The following FAM120B variants were observed in gnomAD, a reference collection of about 807,000 sequenced individuals.
The protein encoded by FAM120B is family with sequence similarity 120 member B.
Under a neutral mutation model 96.3 loss-of-function variants are expected in FAM120B, and 83 were observed. That is an observed-to-expected ratio of 0.86 (90% CI 0.72 to 1.03). The LOEUF (loss-of-function observed/expected upper bound fraction) is 1.03. Among genes scored for constraint, FAM120B ranks in the 50% least tolerant of loss-of-function variants. The probability of loss-of-function intolerance (pLI) is 0.00; values close to 1 mark genes in which losing one functional copy is unlikely to be tolerated. For missense variants in FAM120B, 1,027 were observed against 1,121.2 expected (o/e 0.92, Z 1.20); for synonymous variants, 407 against 402.7 (o/e 1.01, Z -0.13).
intron 4 of FAM120B, among the ~76,000 whole-genome samples, chr6:170,340,670 GT>G (rs1421882320): frequency 6.6e-6 from 1 of 152,214 alleles, no homozygotes; most frequent in Non-Finnish European, 1.5e-5. Context: ...TTTGGATGGG[GT>G]TTTTGTGTAG....
At chr6:170,358,503 A>T (rs1168505561) in intron 6 of FAM120B, among the ~76,000 whole-genome samples, 185 bp downstream of exon 6, 1 of 152,246 alleles carries the variant, frequency 6.6e-6, no homozygotes, top group East Asian at 1.9e-4. Context: ...CAGATGAGGT[A>T]CTAATAGGTG....
At chr6:170,348,441 G>A (rs183317505) in intron 5 of FAM120B, 118 bp downstream of exon 5, 37 of 888,162 alleles carry the variant, frequency 4.2e-5, no homozygotes, top group Middle Eastern at 3.5e-4. Context: ...TCTGTTCCAT[G>A]GAACATTATT....
rs1461140259 is a variant in FAM120B at position 170,404,301 on chromosome 6, C to T, written c.2693-249C>T. ...CTAGAAATCACGCAGATGGATGGAG[C>T]TGGTGTGAAGAGGAACAACTTTGAC... On this transcript the variant is annotated intron_variant, in intron 9 of 10. Transcript: ENST00000476287. 6.4e-6 allele frequency: 3 copies of T among 470,592 alleles called. No individual in the cohort carries two copies. The East Asian group carries it at 1.0e-4, about 16-fold the overall frequency. 29.2% of individuals were successfully genotyped at this position (470,592 alleles called of 1,614,324 possible).
rs754785962 is a variant in FAM120B at position 170,317,684 on chromosome 6, A to G, written c.294A>G (p.Arg98=). The part of the protein sequence containing the change: ...FFDGMVEQDK[R]DEWVKRRLKN... ...ATGGCATGGTGGAGCAGGATAAGAGAGATGAATGGGTGAAACGAAGGCTCA... is the reference window on the plus strand; with the variant it reads ...ATGGCATGGTGGAGCAGGATAAGAGGGATGAATGGGTGAAACGAAGGCTCA... The change falls in exon 2 of 11, where the codon AGA becomes AGG. Residue 98 remains arginine (R), a synonymous_variant. Coordinates refer to ENST00000476287, the MANE Select transcript of FAM120B (RefSeq NM_032448.3). The G allele has an allele frequency of 6.2e-7, 1 of 1,614,160 alleles. No homozygotes were observed. The highest frequency in any genetic ancestry group is 8.5e-7 in the Non-Finnish European group (1 of 1,180,004).
chr6:170,377,143 C>T lies in FAM120B; in HGVS notation c.2284-11144C>T, dbSNP rs796110708. On this transcript the variant is annotated intron_variant, in intron 6 of 10. Transcript: ENST00000476287. Reference sequence around the variant, plus strand: ...AGATGCCTGGGAGAACACAGGCTCACGCTGCTCGGTGCTGTGCACACGCGT... The same window carrying T: ...AGATGCCTGGGAGAACACAGGCTCATGCTGCTCGGTGCTGTGCACACGCGT... Among the ~76,000 whole-genome samples the T allele has an allele frequency of 1.6e-3, 156 of 96,664 alleles. 2 individuals carry two copies. Among genetic ancestry groups the T allele is most frequent in the Middle Eastern group, 6.6e-3 (1 of 152 alleles). 63.4% of individuals were successfully genotyped at this position (96,664 alleles called of 152,430 possible). A position where few individuals can be genotyped will look rare whatever the true frequency, so the allele number is the denominator to read the frequency against.
At chr6:170,319,791 G>T (rs902541865) in intron 2 of FAM120B, among the ~76,000 whole-genome samples, 1 of 152,258 alleles carries the variant, frequency 6.6e-6, no homozygotes, top group Non-Finnish European at 1.5e-5. Context: ...AAGGTGTAGC[G>T]TTTTGAATCT....
chr6:170,291,097 C>T (rs1382985082), upstream of FAM120B: 5 of 695,766 alleles, frequency 7.2e-6, no homozygotes, highest in Admixed American at 4.0e-5. Flanking sequence ...AAATGTGCAA[C>T]CCTCCTCCCC....
chr6:170,303,217 TGA>T (rs1422881904), upstream of FAM120B, among the ~76,000 whole-genome samples: 2 of 152,190 alleles, frequency 1.3e-5, no homozygotes, highest in South Asian at 4.1e-4. Context: ...CTTTTGTATA[TGA>T]GAGAATTTAC....
chr6:170,371,820 G>GC (rs929345090), intron 6 of FAM120B, among the ~76,000 whole-genome samples: 2 of 152,174 alleles, frequency 1.3e-5, no homozygotes, highest in African/African-American at 4.8e-5. Context: ...GGCTGCAGCT[G>GC]CAAGTCCCAA....
intron 9 of FAM120B, among the ~76,000 whole-genome samples, chr6:170,401,211 C>A (rs747425771): frequency 6.6e-6 from 1 of 152,188 alleles, no homozygotes; most frequent in East Asian, 1.9e-4. Context: ...GTAACAGGAA[C>A]CCCCCAGTCG....
intron 4 of FAM120B, among the ~76,000 whole-genome samples, chr6:170,341,365 C>T (rs1221460890): frequency 1.3e-5 from 2 of 152,214 alleles, no homozygotes; most frequent in South Asian, 2.1e-4. Flanking sequence ...TCGATCGTCC[C>T]AGGTCGACTT....
chr6:170,404,694 C>T (rs940522997), intron 10 of FAM120B, 69 bp from the exon 11 acceptor site: 1 of 981,376 alleles, frequency 1.0e-6, no homozygotes, highest in African/African-American at 1.6e-5. Context: ...GTAAACAGAA[C>T]TCAGATATTG....
At chr6:170,319,882 T>C (rs950268059) in intron 2 of FAM120B, among the ~76,000 whole-genome samples, 2 of 152,272 alleles carry the variant, frequency 1.3e-5, no homozygotes, top group Non-Finnish European at 1.5e-5. Flanking sequence ...TGGACAATCA[T>C]AGCCAAATTG....
At chr6:170,404,489 C>T (rs1778733634) in intron 9 of FAM120B, 61 bp from the exon 10 acceptor site, 1 of 1,435,728 alleles carries the variant, frequency 7.0e-7, no homozygotes, top group Non-Finnish European at 9.7e-7. Flanking sequence ...GTGCAGCATT[C>T]TTGTTTGTGT....
intron 9 of FAM120B, among the ~76,000 whole-genome samples, chr6:170,400,527 G>A (rs1778511267): frequency 1.3e-5 from 2 of 152,072 alleles, no homozygotes; most frequent in South Asian, 4.1e-4. Context: ...CTTCCCAGTG[G>A]CCTGCCCTTA....
intron 4 of FAM120B, among the ~76,000 whole-genome samples, chr6:170,342,248 A>T (rs1786888837): frequency 2.0e-5 from 3 of 152,184 alleles, no homozygotes; most frequent in Non-Finnish European, 2.9e-5. Flanking sequence ...ACTCACTTAA[A>T]TTGAACTTGT....
chr6:170,396,911 C>T (rs1439686332), intron 9 of FAM120B, among the ~76,000 whole-genome samples: 1 of 152,236 alleles, frequency 6.6e-6, no homozygotes, highest in Non-Finnish European at 1.5e-5. Context: ...GTGCTTTGGG[C>T]CATTGCCGCT....
At chr6:170,342,365 G>A (rs1009939737) in intron 4 of FAM120B, among the ~76,000 whole-genome samples, 4 of 152,104 alleles carry the variant, frequency 2.6e-5, no homozygotes, top group African/African-American at 9.7e-5. Flanking sequence ...GCAGTTTTAC[G>A]TTTTTATTAA....
At chr6:170,357,440 T>C (rs1461177790) in intron 5 of FAM120B, among the ~76,000 whole-genome samples, 5 of 152,194 alleles carry the variant, frequency 3.3e-5, no homozygotes, top group Non-Finnish European at 7.3e-5. Flanking sequence ...GTGTTCAGTC[T>C]GTCCTTTGCT....
Sources: allele counts gnomAD v4.1 joint callset (sites outside exome capture counted in the v4.1 genomes callset), GRCh38; gene constraint gnomAD v4.1.1; transcripts MANE v1.5; gene names NCBI Gene and HGNC (gene_info 2026-07-23, HGNC 2026-07-21).